Variants in SAMMSON observed in about 807,000 individuals in gnomAD.
SAMMSON encodes long intergenic non-protein coding RNA 1212.
At chr3:70,108,653 T>C (rs1338982823) in intron 4 of SAMMSON, among the ~76,000 whole-genome samples, 1 of 151,520 alleles carries the variant, frequency 6.6e-6, no homozygotes, top group Non-Finnish European at 1.5e-5. Context: ...GGTGGGGCTT[T>C]TATGATGAGA....
intron 4 of SAMMSON, among the ~76,000 whole-genome samples, chr3:70,082,405 GTC>G (rs1211999928): frequency 6.6e-6 from 1 of 152,224 alleles, no homozygotes; most frequent in Non-Finnish European, 1.5e-5. Context: ...GTGTGTGAGT[GTC>G]TCTGCAGAAA....
intron 3 of SAMMSON, among the ~76,000 whole-genome samples, chr3:70,037,093 C>CA (rs925137683): frequency 6.6e-6 from 1 of 151,418 alleles, no homozygotes; most frequent in African/African-American, 2.4e-5. Context: ...ATGCCTGGAA[C>CA]ATAAGGTATG....
intron 7 of SAMMSON, among the ~76,000 whole-genome samples, chr3:70,326,898 A>C (rs1370187778): frequency 6.6e-6 from 1 of 152,124 alleles, no homozygotes; most frequent in African/African-American, 2.4e-5. Flanking sequence ...ACGCTTTGTC[A>C]CTCATGCTGG....
intron 4 of SAMMSON, among the ~76,000 whole-genome samples, chr3:70,158,372 CAT>C (rs1228252239): frequency 3.9e-5 from 6 of 152,090 alleles, no homozygotes; most frequent in Non-Finnish European, 7.4e-5. Context: ...AGTGCTCTAA[CAT>C]GTGTCTATAG....
chr3:70,028,186 C>CCTTCCTTT (rs1491431567), intron 3 of SAMMSON, among the ~76,000 whole-genome samples: 55 of 103,946 alleles, frequency 5.3e-4, no homozygotes, highest in African/African-American at 1.7e-3. Flanking sequence ...TTCCTTCCTT[C>CCTTCCTTT]CTTTCTTTCT....
At chr3:70,003,356 G>C (rs1228055657) in intron 1 of SAMMSON, among the ~76,000 whole-genome samples, 1 of 151,896 alleles carries the variant, frequency 6.6e-6, no homozygotes, top group Non-Finnish European at 1.5e-5. Context: ...ATATATTACA[G>C]AGTGTCTCCT....
At chr3:70,266,292 A>AT (rs150465046) in intron 6 of SAMMSON, among the ~76,000 whole-genome samples, 5,767 of 152,218 alleles carry the variant, frequency 0.038, 342 homozygotes, top group African/African-American at 0.13. Flanking sequence ...CTAATGTCAA[A>AT]TTTTTAATTC....
chr3:70,050,016 A>G (rs1032994177), intron 3 of SAMMSON, among the ~76,000 whole-genome samples: 1 of 152,096 alleles, frequency 6.6e-6, no homozygotes, highest in Non-Finnish European at 1.5e-5. Context: ...CTGGAAAAGT[A>G]AAAAATTGCC....
chr3:70,006,184 A>G (rs892337228), intron 1 of SAMMSON, among the ~76,000 whole-genome samples: 1 of 152,236 alleles, frequency 6.6e-6, no homozygotes, highest in Admixed American at 6.5e-5. Context: ...TAGTGTCATT[A>G]GGCAAAAAAA....
intron 9 of SAMMSON, among the ~76,000 whole-genome samples, chr3:70,386,560 G>A (rs1703124132): frequency 6.6e-6 from 1 of 152,072 alleles, no homozygotes; most frequent in Admixed American, 6.6e-5. Flanking sequence ...AGTTACTGCA[G>A]GGATTAGACT....
At chr3:70,395,331 C>CTTTTTTTTTTTTTT (rs71126501) in intron 2 of SAMMSON, among the ~76,000 whole-genome samples, 6 of 113,670 alleles carry the variant, frequency 5.3e-5, no homozygotes, top group African/African-American at 7.0e-5. Flanking sequence ...CTCTCTCTCT[C>CTTTTTTTTTTTTTT]TTTTTTTTTT....
At chr3:70,406,424 G>A (rs753405959) in intron 2 of SAMMSON, among the ~76,000 whole-genome samples, 3 of 152,100 alleles carry the variant, frequency 2.0e-5, no homozygotes, top group Admixed American at 2.0e-4. Context: ...AATGTTAAAG[G>A]AGCCCAGACA....
At chr3:70,181,212 C>G (rs1047827833) in intron 4 of SAMMSON, among the ~76,000 whole-genome samples, 1 of 152,160 alleles carries the variant, frequency 6.6e-6, no homozygotes, top group African/African-American at 2.4e-5. Flanking sequence ...TGAAACATGT[C>G]CACAGAAAAG....
chr3:70,282,267 C>A (rs1575614615), intron 6 of SAMMSON, among the ~76,000 whole-genome samples: 1 of 152,082 alleles, frequency 6.6e-6, no homozygotes, highest in African/African-American at 2.4e-5. Flanking sequence ...CTAGAAGGAA[C>A]ACCTGGTGTT....
At chr3:70,019,178 G>A (rs1233949142) in intron 3 of SAMMSON, among the ~76,000 whole-genome samples, 1 of 152,142 alleles carries the variant, frequency 6.6e-6, no homozygotes, top group Non-Finnish European at 1.5e-5. Flanking sequence ...TGTTGACAGT[G>A]GGGTGTTAAA....
At chr3:70,251,739 CT>C (rs1701770946) in intron 6 of SAMMSON, among the ~76,000 whole-genome samples, 1 of 152,186 alleles carries the variant, frequency 6.6e-6, no homozygotes, top group South Asian at 2.1e-4. Context: ...TAAGTAGTTG[CT>C]CGTCTAAGGA....
At chr3:70,355,750 T>C (rs890473003) in intron 8 of SAMMSON, among the ~76,000 whole-genome samples, 2 of 152,108 alleles carry the variant, frequency 1.3e-5, no homozygotes, top group African/African-American at 2.4e-5. Flanking sequence ...AGATTAAAAG[T>C]ATCCACTGAA....
rs559612788 is a variant in SAMMSON, at chr3:70,319,246, A to G, written n.739+28003A>G. ...CCTTAGCTCAGCAAGTCTGCCACTA[A>G]ATTTGGGTTTCACCTTCCTGCACTA... On this transcript the variant is annotated intron_variant and non_coding_transcript_variant, in intron 7 of 9. Coordinates refer to ENST00000642114, the Ensembl canonical transcript of SAMMSON. Among the ~76,000 whole-genome samples, 5 of 152,114 alleles carry G rather than the reference A, an allele frequency of 3.3e-5. No homozygotes were observed. The East Asian group carries it at 7.7e-4, about 24-fold the overall frequency.
At chr3:70,031,375 G>A (rs2067065571) in intron 3 of SAMMSON, among the ~76,000 whole-genome samples, 1 of 152,100 alleles carries the variant, frequency 6.6e-6, no homozygotes, top group African/African-American at 2.4e-5. Flanking sequence ...GAGATTACCA[G>A]GGTTTGGGGG....
Sources: gnomAD v4.1 joint callset for allele counts (sites outside exome capture counted in the v4.1 genomes callset) on GRCh38, gnomAD v4.1.1 for gene constraint, MANE v1.5 for transcripts, NCBI Gene and HGNC (gene_info 2026-07-23, HGNC 2026-07-21) for gene names.